NRG1: variants seen among roughly 807,000 people sequenced by gnomAD.
The protein encoded by NRG1 is neuregulin 1.
Under a neutral mutation model 63.8 loss-of-function variants are expected in NRG1, and 18 were observed. That is an observed-to-expected ratio of 0.28 (90% CI 0.19 to 0.42). The LOEUF (loss-of-function observed/expected upper bound fraction) is 0.42. Among genes scored for constraint, NRG1 ranks in the 10% least tolerant of loss-of-function variants. The pLI is 1.00. For synonymous variants in NRG1, 302 were observed against 301.3 expected, an observed-to-expected ratio of 1.00 and a Z score of -0.02; for missense variants, 762 against 814.7, an observed-to-expected ratio of 0.94 and a Z score of 0.79.
At chr8:31,689,904 C>T (rs897592919) in intron 1 of NRG1, among the ~76,000 whole-genome samples, 4 of 152,132 alleles carry the variant, frequency 2.6e-5, no homozygotes, top group Non-Finnish European at 5.9e-5. Flanking sequence ...TTAGAATAGG[C>T]CCCATTAGGA....
chr8:31,734,551 GC>G (rs1165314092), intron 1 of NRG1, among the ~76,000 whole-genome samples: 4 of 152,146 alleles, frequency 2.6e-5, no homozygotes, highest in African/African-American at 7.2e-5. Flanking sequence ...AAAAGTGGAA[GC>G]TTTTTTTTGT....
At chr8:32,320,003 C>T (rs537608288) in intron 1 of NRG1, among the ~76,000 whole-genome samples, 3 of 152,104 alleles carry the variant, frequency 2.0e-5, no homozygotes, top group African/African-American at 7.2e-5. Context: ...TGTGAAAGAA[C>T]CTAAGATTTT....
At chr8:31,784,064 G>A (rs1297404956) in intron 1 of NRG1, among the ~76,000 whole-genome samples, 1 of 152,080 alleles carries the variant, frequency 6.6e-6, no homozygotes, top group Non-Finnish European at 1.5e-5. Flanking sequence ...GTAGAATTGG[G>A]ACTCAAATTC....
intron 1 of NRG1, among the ~76,000 whole-genome samples, chr8:31,944,120 C>G (rs1020784222): frequency 1.3e-5 from 2 of 152,052 alleles, no homozygotes; most frequent in Non-Finnish European, 2.9e-5. Flanking sequence ...TCTCCTTTTT[C>G]TTTTATATGT....
intron 5 of NRG1, among the ~76,000 whole-genome samples, chr8:32,659,514 A>G (rs181142347): frequency 9.3e-4 from 142 of 152,282 alleles, no homozygotes; most frequent in African/African-American, 3.3e-3. Flanking sequence ...TATGAGCACT[A>G]CTAAATTAGT....
chr8:32,222,383 G>A (rs1845912110), intron 1 of NRG1, among the ~76,000 whole-genome samples: 1 of 151,582 alleles, frequency 6.6e-6, no homozygotes, highest in South Asian at 2.1e-4. Context: ...GTAAACAATT[G>A]GAATTTCTAA....
chr8:31,766,384 T>C (rs1818063112), intron 1 of NRG1, among the ~76,000 whole-genome samples: 1 of 152,070 alleles, frequency 6.6e-6, no homozygotes, highest in African/African-American at 2.4e-5. Context: ...AAAGGAACAA[T>C]GACTTCTTTG....
chr8:31,813,516 C>CT (rs377718067), intron 1 of NRG1, among the ~76,000 whole-genome samples: 1,780 of 101,016 alleles, frequency 0.018, 4 homozygotes, highest in Non-Finnish European at 0.02. Flanking sequence ...CTTTTCTTTT[C>CT]TTTTTTTTTT....
At chr8:31,840,225 CCAG>C (rs1472219690) in intron 1 of NRG1, among the ~76,000 whole-genome samples, 1 of 152,020 alleles carries the variant, frequency 6.6e-6, no homozygotes, top group African/African-American at 2.4e-5. Flanking sequence ...AATGACAAAG[CCAG>C]CCAGTCTACC....
intron 1 of NRG1, among the ~76,000 whole-genome samples, chr8:32,209,717 CCTTCCTTCCTT>C (rs1844469082): frequency 1.5e-4 from 2 of 12,934 alleles, no homozygotes; most frequent in East Asian, 1.9e-3. Context: ...TCTTTCCCTT[CCTTCCTTCCTT>C]CCTTCCTTCC....
At chr8:32,584,433 T>C (rs952416651) in intron 1 of NRG1, among the ~76,000 whole-genome samples, 4 of 152,142 alleles carry the variant, frequency 2.6e-5, no homozygotes, top group Non-Finnish European at 5.9e-5. Context: ...GAAAGTCAAA[T>C]GTGGACCCTG....
rs536963181 is a variant in NRG1 at position 32,744,782 on chromosome 8, A to C, written c.691+2049A>C. On this transcript the variant is annotated intron_variant, in intron 7 of 11. Transcript: ENST00000356819. Reference sequence around the variant, plus strand: ...TTTCCCAGCATAATTATGTAGTTAGATCTGACAGTAGTAACCAGAGAAAAT... The same window carrying C: ...TTTCCCAGCATAATTATGTAGTTAGCTCTGACAGTAGTAACCAGAGAAAAT... 3.3e-5 allele frequency among the ~76,000 whole-genome samples: 5 copies of C among 152,270 alleles called. No homozygotes were observed. In the South Asian group the frequency reaches 1.0e-3, roughly 32 times the overall value.
At chr8:32,550,048 T>G (rs1224833548) in intron 1 of NRG1, among the ~76,000 whole-genome samples, 1 of 152,202 alleles carries the variant, frequency 6.6e-6, no homozygotes, top group Non-Finnish European at 1.5e-5. Flanking sequence ...TTGCTTGGTC[T>G]TCTTACTGGT....
rs537148073 is a variant in NRG1 at position 32,320,495 on chromosome 8, A to G, written c.38-275333A>G. Among the ~76,000 whole-genome samples the G allele has an allele frequency of 5.3e-5, 8 of 152,338 alleles. No homozygotes were observed. The East Asian group carries it at 1.5e-3, about 29-fold the overall frequency. On this transcript the variant is annotated intron_variant, in intron 1 of 10. Transcript: ENST00000519301. The stretch of plus-strand genomic sequence containing the variant: ...CTGGAAAGGCCTCAGGAAGCTTACA[A>G]TCATGGCAGAAGGTGAAGAGGAAGA...
At chr8:32,722,019 A>T in intron 5 of NRG1, 1 of 1,549,068 alleles carries the variant, frequency 6.5e-7, no homozygotes, top group South Asian at 1.2e-5. Flanking sequence ...ATTCCTAAAC[A>T]CATAAGCATT....
intron 1 of NRG1, among the ~76,000 whole-genome samples, chr8:32,399,797 G>A (rs1812934283): frequency 6.6e-6 from 1 of 152,132 alleles, no homozygotes; most frequent in Non-Finnish European, 1.5e-5. Flanking sequence ...CAAATATCAG[G>A]TATTATAGGG....
At chr8:32,398,019 G>C (rs1490758378) in intron 1 of NRG1, among the ~76,000 whole-genome samples, 2 of 152,206 alleles carry the variant, frequency 1.3e-5, no homozygotes, top group East Asian at 3.9e-4. Context: ...TGAAGTATTT[G>C]GTTTTTTATG....
At chr8:32,197,159 G>A (rs556328377) in intron 1 of NRG1, among the ~76,000 whole-genome samples, 2 of 151,394 alleles carry the variant, frequency 1.3e-5, no homozygotes, top group East Asian at 1.9e-4. Context: ...ATGGGATTTC[G>A]CCATAATGGC....
chr8:31,969,763 A>G (rs529651632), intron 1 of NRG1, among the ~76,000 whole-genome samples: 2 of 152,308 alleles, frequency 1.3e-5, no homozygotes, highest in Admixed American at 6.5e-5. Flanking sequence ...GAAAAACTCA[A>G]TAAGGAAAAT....
Sources: allele counts gnomAD v4.1 joint callset (sites outside exome capture counted in the v4.1 genomes callset), GRCh38; gene constraint gnomAD v4.1.1; transcripts MANE v1.5; gene names NCBI Gene and HGNC (gene_info 2026-07-23, HGNC 2026-07-21).